The following CPQ variants were observed in gnomAD, a reference collection of about 807,000 sequenced individuals.
The protein encoded by CPQ is carboxypeptidase Q, also known as Ser-Met dipeptidase.
A neutral mutation model predicts 45.7 loss-of-function variants in CPQ; 37 were observed. The observed-to-expected ratio is 0.81, with a 90% CI of 0.62 to 1.07. The LOEUF (loss-of-function observed/expected upper bound fraction) is 1.07. Ranked by LOEUF, CPQ falls within the 50% of genes least tolerant of loss-of-function variation. CPQ has a pLI of 0.00. For missense variants in CPQ, 537 were observed against 572.9 expected (o/e 0.94, Z 0.64); for synonymous variants, 186 against 205.8 (o/e 0.90, Z 0.82).
Position 97,122,917 on chromosome 8 carries a change from TAAAATAAAATAAATAAAATA to T in CPQ, c.1256-20099_1256-20080del, listed in dbSNP as rs1378132317. On this transcript the variant is annotated intron_variant, in intron 7 of 7. Transcript: ENST00000220763. ...TAAAATAAAATAAAATAAAATAAAA[TAAAATAAAATAAATAAAATA>T]AAATAAAATAAAATAAAATAAAATA... 9.0e-3 allele frequency among the ~76,000 whole-genome samples: 534 copies of T among 59,104 alleles called. 25 individuals are homozygous for T. The highest frequency in any genetic ancestry group is 0.017 in the East Asian group (32 of 1,854). The allele number at this position is 59,104 out of a possible 152,430, so 38.8% of individuals were successfully genotyped here. A position where few individuals can be genotyped will look rare whatever the true frequency, so the allele number is the denominator to read the frequency against.
intron 5 of CPQ, among the ~76,000 whole-genome samples, chr8:96,968,750 A>G (rs941708484): frequency 1.1e-4 from 16 of 152,186 alleles, no homozygotes; most frequent in African/African-American, 4.8e-5. Flanking sequence ...TCCTTCTGGT[A>G]TCTTCTTCTT....
intron 1 of CPQ, among the ~76,000 whole-genome samples, chr8:96,726,675 C>T (rs1423216941): frequency 6.6e-6 from 1 of 152,132 alleles, no homozygotes; most frequent in East Asian, 1.9e-4. Context: ...ATAATCCAAT[C>T]ACCTCCCACC....
intron 4 of CPQ, among the ~76,000 whole-genome samples, chr8:96,935,218 C>T (rs556505303): frequency 6.6e-6 from 1 of 152,228 alleles, no homozygotes; most frequent in African/African-American, 2.4e-5. Flanking sequence ...TGGCAACAGG[C>T]TTATATCCTA....
chr8:96,781,681 A>G (rs1411500018), intron 1 of CPQ, among the ~76,000 whole-genome samples: 2 of 152,140 alleles, frequency 1.3e-5, no homozygotes, highest in African/African-American at 4.8e-5. Flanking sequence ...TCCAGCACCA[A>G]CTCAAAAGTC....
Position 96,645,377 on chromosome 8 carries a change from C to T in CPQ, c.-60C>T, listed in dbSNP as rs1043451362. On this transcript the variant is annotated 5_prime_UTR_variant, in exon 1 of 8. Transcript: ENST00000220763. ...GCTTAGTCCTGGGAGCCGCCTCCGT[C>T]GCCGCCGTCAGAGCCGCCCTATCAG... The T allele has an allele frequency of 2.0e-5, 3 of 152,708 alleles. No homozygotes were observed. The highest frequency in any genetic ancestry group is 7.2e-5 in the African/African-American group (3 of 41,476). 9.5% of individuals were successfully genotyped at this position (152,708 alleles called of 1,614,324 possible).
intron 1 of CPQ, among the ~76,000 whole-genome samples, chr8:96,754,254 T>C (rs1463576522): frequency 2.0e-5 from 3 of 152,046 alleles, no homozygotes; most frequent in African/African-American, 7.2e-5. Flanking sequence ...GAAAGGCAGA[T>C]TAAAACATTT....
chr8:96,796,435 G>T (rs1249104374), intron 2 of CPQ, among the ~76,000 whole-genome samples: 1 of 151,970 alleles, frequency 6.6e-6, no homozygotes, highest in Non-Finnish European at 1.5e-5. Flanking sequence ...TATTCAAATT[G>T]AGTGTTTTAA....
At chr8:96,887,664 A>C (rs1191572532) in intron 4 of CPQ, among the ~76,000 whole-genome samples, 1 of 152,156 alleles carries the variant, frequency 6.6e-6, no homozygotes, top group Admixed American at 6.5e-5. Flanking sequence ...GATCCCCAGC[A>C]ATTTCCTAGG....
intron 5 of CPQ, among the ~76,000 whole-genome samples, chr8:97,020,803 A>AAG (rs1276104504): frequency 7.2e-5 from 11 of 152,156 alleles, no homozygotes; most frequent in African/African-American, 2.7e-4. Flanking sequence ...TCAAAGAAGA[A>AAG]TTGGTACCAA....
intron 5 of CPQ, among the ~76,000 whole-genome samples, chr8:96,981,089 A>G (rs1813887558): frequency 6.6e-6 from 1 of 152,220 alleles, no homozygotes; most frequent in Admixed American, 6.5e-5. Flanking sequence ...GAAAAAAATC[A>G]AGGCAGAGAA....
chr8:96,791,508 C>T (rs1810845392), intron 2 of CPQ, among the ~76,000 whole-genome samples: 1 of 152,156 alleles, frequency 6.6e-6, no homozygotes, highest in African/African-American at 2.4e-5. Flanking sequence ...GCTCCTGAGA[C>T]CTTCAAAACC....
intron 1 of CPQ, among the ~76,000 whole-genome samples, chr8:96,652,737 A>C (rs1315604875): frequency 1.3e-5 from 2 of 152,114 alleles, no homozygotes; most frequent in Non-Finnish European, 2.9e-5. Context: ...GGTTCACGCC[A>C]TTCTCCTGCC....
chr8:96,947,888 C>T (rs1038062539), intron 4 of CPQ, among the ~76,000 whole-genome samples: 2 of 152,172 alleles, frequency 1.3e-5, no homozygotes, highest in South Asian at 2.1e-4. Context: ...AGACCAAACC[C>T]GGAAACCCTG....
At chr8:96,996,907 AG>A (rs1809188181) in intron 5 of CPQ, among the ~76,000 whole-genome samples, 1 of 152,024 alleles carries the variant, frequency 6.6e-6, no homozygotes, top group African/African-American at 2.4e-5. Flanking sequence ...GGAATAAGGT[AG>A]GCAAAGCATC....
intron 1 of CPQ, among the ~76,000 whole-genome samples, chr8:96,681,151 A>T (rs1311163217): frequency 6.6e-6 from 1 of 152,228 alleles, no homozygotes; most frequent in East Asian, 1.9e-4. Context: ...TGGCTGTAGA[A>T]ATTTACATAA....
chr8:96,854,306 C>A (rs181552751), intron 3 of CPQ, among the ~76,000 whole-genome samples: 1 of 151,192 alleles, frequency 6.6e-6, no homozygotes, highest in Non-Finnish European at 1.5e-5. Flanking sequence ...CCGAGGCGGG[C>A]GGATCACGAG....
At chr8:96,918,938 A>G (rs1376653765) in intron 4 of CPQ, among the ~76,000 whole-genome samples, 1 of 152,098 alleles carries the variant, frequency 6.6e-6, no homozygotes, top group Non-Finnish European at 1.5e-5. Context: ...CTTTAGTGGT[A>G]TGTGGTACCT....
At chr8:96,917,018 G>T (rs951962506) in intron 4 of CPQ, among the ~76,000 whole-genome samples, 2 of 152,006 alleles carry the variant, frequency 1.3e-5, no homozygotes, top group Non-Finnish European at 2.9e-5. Context: ...GTTCATCAGG[G>T]TTCTCTTTCT....
At chr8:96,727,731 A>T (rs1048425658) in intron 1 of CPQ, among the ~76,000 whole-genome samples, 2 of 152,076 alleles carry the variant, frequency 1.3e-5, no homozygotes, top group Non-Finnish European at 2.9e-5. Flanking sequence ...AGCACTAATG[A>T]GTGACTCAGG....
Sources: allele counts gnomAD v4.1 joint callset (sites outside exome capture counted in the v4.1 genomes callset), GRCh38; gene constraint gnomAD v4.1.1; transcripts MANE v1.5; gene names NCBI Gene and HGNC (gene_info 2026-07-23, HGNC 2026-07-21).